NRXN3: variants seen among roughly 807,000 people sequenced by gnomAD.
NRXN3 encodes the protein neurexin 3, also known as neurexin III.
In NRXN3, 32 loss-of-function variants were observed where a neutral mutation model predicts 137.6. That is an observed-to-expected ratio of 0.23 (90% confidence interval 0.18 to 0.31). The LOEUF (loss-of-function observed/expected upper bound fraction) is 0.31, where lower values mean the gene tolerates loss of function less well. Ranked by LOEUF, NRXN3 falls within the 10% of genes least tolerant of loss-of-function variation. The pLI is 1.00. For synonymous variants in NRXN3, 798 were observed against 784.5 expected, an observed-to-expected ratio of 1.02 and a Z score of -0.29; for missense variants, 1,574 against 2,062.5, an observed-to-expected ratio of 0.76 and a Z score of 4.59.
intron 15 of NRXN3, among the ~76,000 whole-genome samples, chr14:79,396,155 A>G (rs1427972178): frequency 1.3e-5 from 2 of 152,032 alleles, no homozygotes; most frequent in Non-Finnish European, 2.9e-5. Flanking sequence ...TGTATTAATA[A>G]TTTTAATATC....
chr14:78,214,476 G>C (rs1463099063), intron 1 of NRXN3, among the ~76,000 whole-genome samples: 1 of 152,076 alleles, frequency 6.6e-6, no homozygotes, highest in Non-Finnish European at 1.5e-5. Context: ...TTTTCCAATA[G>C]GCTAAAAGCT....
At chr14:78,226,170 A>AT (rs1020941875) in intron 1 of NRXN3, among the ~76,000 whole-genome samples, 90 of 152,076 alleles carry the variant, frequency 5.9e-4, no homozygotes, top group African/African-American at 1.9e-3. Flanking sequence ...CGCCCGACTA[A>AT]TTTTTTGTAT....
intron 1 of NRXN3, among the ~76,000 whole-genome samples, chr14:78,195,522 T>C (rs2061148435): frequency 6.6e-6 from 1 of 151,894 alleles, no homozygotes; most frequent in African/African-American, 2.4e-5. Flanking sequence ...AGGAAGGAAA[T>C]AAAACAAAGT....
intron 16 of NRXN3, among the ~76,000 whole-genome samples, chr14:79,498,598 C>T (rs1025838955): frequency 6.6e-6 from 1 of 152,170 alleles, no homozygotes; most frequent in African/African-American, 2.4e-5. Context: ...TTTCCTCATG[C>T]CCACAGTTTG....
chr14:78,677,368 T>C (rs973293549), intron 6 of NRXN3, among the ~76,000 whole-genome samples: 16 of 151,936 alleles, frequency 1.1e-4, no homozygotes, highest in Admixed American at 6.6e-4. Context: ...CCCTCATGGA[T>C]GACTTTGAGG....
Position 79,833,299 on chromosome 14 carries a change from C to G in NRXN3, c.4094-28043C>G, listed in dbSNP as rs376132382. 1.5e-4 allele frequency among the ~76,000 whole-genome samples: 23 copies of G among 152,152 alleles called. 1 individual carries two copies. Among genetic ancestry groups the G allele is most frequent in the East Asian group, 3.9e-4 (2 of 5,182 alleles). On this transcript the variant is annotated intron_variant, in intron 20 of 20. Coordinates refer to ENST00000335750, the MANE Select transcript of NRXN3 (RefSeq NM_001330195.2). ...TTTAGATTCGACTCTTAATAATGGT[C>G]TTTTATATTAACTCAGATAACTAGA...
chr14:79,729,085 CATT>C (rs771454030), intron 19 of NRXN3, among the ~76,000 whole-genome samples: 8 of 152,186 alleles, frequency 5.3e-5, no homozygotes, highest in East Asian at 1.9e-4. Flanking sequence ...GTGCCACCAT[CATT>C]ATTATTATCT....
chr14:79,178,971 T>G (rs2153119851), intron 15 of NRXN3, among the ~76,000 whole-genome samples: 1 of 152,308 alleles, frequency 6.6e-6, no homozygotes, highest in Admixed American at 6.5e-5. Context: ...GTCTTCTGGC[T>G]TTTCTTTCTA....
chr14:78,472,241 T>C (rs544741877), intron 4 of NRXN3, among the ~76,000 whole-genome samples: 30 of 152,044 alleles, frequency 2.0e-4, no homozygotes, highest in Non-Finnish European at 4.0e-4. Flanking sequence ...GATGTGGAGG[T>C]GGTGTGGGGG....
At chr14:79,177,159 G>C (rs945191795) in intron 15 of NRXN3, among the ~76,000 whole-genome samples, 1 of 152,144 alleles carries the variant, frequency 6.6e-6, no homozygotes, top group Non-Finnish European at 1.5e-5. Flanking sequence ...GGATATTTTG[G>C]AGAGAAGGTG....
chr14:78,624,980 T>G (rs990437483), intron 4 of NRXN3, among the ~76,000 whole-genome samples: 2 of 152,194 alleles, frequency 1.3e-5, no homozygotes, highest in African/African-American at 4.8e-5. Context: ...TAGCTGGGAC[T>G]ACAGGCGTGT....
intron 4 of NRXN3, among the ~76,000 whole-genome samples, chr14:78,609,984 A>G (rs977827748): frequency 6.6e-6 from 1 of 151,826 alleles, no homozygotes; most frequent in African/African-American, 2.4e-5. Flanking sequence ...TTTACCTTCT[A>G]CTATGTAACA....
chr14:78,440,715 A>G (rs17107601), intron 4 of NRXN3, among the ~76,000 whole-genome samples: 24,735 of 151,876 alleles, frequency 0.16, 3,637 homozygotes, highest in African/African-American at 0.39. Flanking sequence ...GCCTGTCCAG[A>G]AGCTGTGCTA....
intron 19 of NRXN3, among the ~76,000 whole-genome samples, chr14:79,766,010 A>T (rs994677073): frequency 6.6e-6 from 1 of 152,254 alleles, no homozygotes; most frequent in Non-Finnish European, 1.5e-5. Context: ...AACATCATAT[A>T]TAAAATTAAT....
chr14:79,338,575 A>G (rs906731468), intron 15 of NRXN3, among the ~76,000 whole-genome samples: 4 of 152,136 alleles, frequency 2.6e-5, no homozygotes, highest in African/African-American at 9.7e-5. Flanking sequence ...CTGTCAGCCC[A>G]TTAGATAACC....
At chr14:78,527,369 G>A (rs2096395959) in intron 4 of NRXN3, among the ~76,000 whole-genome samples, 1 of 152,094 alleles carries the variant, frequency 6.6e-6, no homozygotes, top group African/African-American at 2.4e-5. Flanking sequence ...AGATGAAGTG[G>A]GAAGGTGATA....
intron 4 of NRXN3, among the ~76,000 whole-genome samples, chr14:78,466,054 C>T (rs1165606884): frequency 2.6e-5 from 4 of 151,826 alleles, no homozygotes; most frequent in Non-Finnish European, 5.9e-5. Context: ...GGGGTTTCTC[C>T]GTGTTAGCCA....
intron 10 of NRXN3, among the ~76,000 whole-genome samples, chr14:78,844,899 G>T (rs2099022261): frequency 6.6e-6 from 1 of 152,026 alleles, no homozygotes; most frequent in Non-Finnish European, 1.5e-5. Flanking sequence ...ACCATTATTT[G>T]TTGGCCATGC....
chr14:78,523,526 G>A (rs1219952296), intron 4 of NRXN3, among the ~76,000 whole-genome samples: 1 of 151,550 alleles, frequency 6.6e-6, no homozygotes, highest in Non-Finnish European at 1.5e-5. Context: ...TAGGCCGGGT[G>A]CGGTGGCTCA....
Sources: gnomAD v4.1 joint callset for allele counts (sites outside exome capture counted in the v4.1 genomes callset) on GRCh38, gnomAD v4.1.1 for gene constraint, MANE v1.5 for transcripts, NCBI Gene and HGNC (gene_info 2026-07-23, HGNC 2026-07-21) for gene names.